CAMK1D: variants seen among roughly 807,000 people sequenced by gnomAD.
The protein encoded by CAMK1D is calcium/calmodulin dependent protein kinase ID, also known as calcium/calmodulin-dependent protein kinase type 1D.
Under a neutral mutation model 47.7 loss-of-function variants are expected in CAMK1D, and 9 were observed. The ratio of observed to expected loss-of-function variants is 0.19; its 90% confidence interval spans 0.11 to 0.33. The LOEUF is 0.33. Among genes scored for constraint, CAMK1D ranks in the 10% least tolerant of loss-of-function variants. CAMK1D has a pLI of 1.00. For synonymous variants in CAMK1D, 184 were observed against 184.9 expected (o/e 0.99, Z 0.04); for missense variants, 291 against 488.7 (o/e 0.60, Z 3.81).
chr10:12,450,582 A>C (rs1394828611), intron 1 of CAMK1D, among the ~76,000 whole-genome samples: 2 of 152,224 alleles, frequency 1.3e-5, no homozygotes, highest in Admixed American at 1.3e-4. Context: ...TAGATTGGGC[A>C]GCTCACACAT....
At chr10:12,552,027 G>A (rs1836600069) in intron 1 of CAMK1D, among the ~76,000 whole-genome samples, 2 of 152,248 alleles carry the variant, frequency 1.3e-5, no homozygotes, top group African/African-American at 2.4e-5. Flanking sequence ...CCTGTGCACA[G>A]AGCCCAAGTT....
At chr10:12,753,798 G>C (rs140343147) in intron 3 of CAMK1D, among the ~76,000 whole-genome samples, 1 of 152,202 alleles carries the variant, frequency 6.6e-6, no homozygotes, top group African/African-American at 2.4e-5. Flanking sequence ...GCTTTCACTG[G>C]TTCCCCTTTT....
Position 12,648,201 on chromosome 10 carries a change from C to T in CAMK1D, c.225-18535C>T, listed in dbSNP as rs141306727. 3.6e-3 allele frequency among the ~76,000 whole-genome samples: 543 copies of T among 152,264 alleles called. 5 individuals are homozygous for T. Among genetic ancestry groups the T allele is most frequent in the Middle Eastern group, 0.034 (10 of 294 alleles). Reference sequence around the variant, plus strand: ...CAGCCATTGTAACCAGCTAAGAGTTCGTGGGGCACTCACTTAATTCTCCCG... The same window carrying T: ...CAGCCATTGTAACCAGCTAAGAGTTTGTGGGGCACTCACTTAATTCTCCCG... On this transcript the variant is annotated intron_variant, in intron 2 of 10. Transcript: ENST00000619168.
chr10:12,452,761 T>A (rs1833124377), intron 1 of CAMK1D, among the ~76,000 whole-genome samples: 1 of 152,084 alleles, frequency 6.6e-6, no homozygotes, highest in African/African-American at 2.4e-5. Context: ...AATTTTTTTA[T>A]TTTTAGTATA....
intron 3 of CAMK1D, among the ~76,000 whole-genome samples, chr10:12,734,339 AAAAAAAATATATAT>A (rs1588863426): frequency 1.1e-4 from 4 of 36,412 alleles, no homozygotes; most frequent in Admixed American, 4.6e-4. Flanking sequence ...AAAAAAAAAA[AAAAAAAATATATAT>A]ATATATATAT....
At chr10:12,547,254 T>C (rs1329287079) in intron 1 of CAMK1D, among the ~76,000 whole-genome samples, 3 of 152,010 alleles carry the variant, frequency 2.0e-5, no homozygotes, top group Non-Finnish European at 4.4e-5. Flanking sequence ...GAGGAAGCCA[T>C]TGGGTTTAGC....
At chr10:12,815,255 C>T (rs1206510990) in intron 7 of CAMK1D, among the ~76,000 whole-genome samples, 1 of 152,190 alleles carries the variant, frequency 6.6e-6, no homozygotes, top group Non-Finnish European at 1.5e-5. Flanking sequence ...TGAAATCTCT[C>T]TAAGCCTCAG....
At chr10:12,826,032 G>C (rs1040882078) in intron 10 of CAMK1D, 2 of 251,578 alleles carry the variant, frequency 7.9e-6, no homozygotes, top group Non-Finnish European at 1.5e-5. Flanking sequence ...AGCTACTTGG[G>C]AGGCTGAGGC....
intron 5 of CAMK1D, among the ~76,000 whole-genome samples, chr10:12,771,732 T>C (rs1442937457): frequency 1.3e-5 from 2 of 152,078 alleles, no homozygotes; most frequent in Non-Finnish European, 2.9e-5. Context: ...CTCTGCTCAT[T>C]TTTGAAAGGT....
intron 3 of CAMK1D, among the ~76,000 whole-genome samples, chr10:12,709,855 T>G (rs776547796): frequency 1.3e-5 from 2 of 152,200 alleles, no homozygotes; most frequent in East Asian, 3.8e-4. Flanking sequence ...TATTTAGCAG[T>G]TGGGAAATGT....
intron 1 of CAMK1D, among the ~76,000 whole-genome samples, chr10:12,372,733 A>G: frequency 6.6e-6 from 1 of 152,062 alleles, no homozygotes; most frequent in Non-Finnish European, 1.5e-5. Context: ...GATTCAGGTG[A>G]TCCTCACACC....
At chr10:12,644,177 C>T (rs1839752607) in intron 2 of CAMK1D, among the ~76,000 whole-genome samples, 1 of 152,154 alleles carries the variant, frequency 6.6e-6, no homozygotes, top group Non-Finnish European at 1.5e-5. Flanking sequence ...AGGTTGAGAA[C>T]CACTGGGCTG....
chr10:12,792,672 G>A (rs1564565838), intron 6 of CAMK1D, among the ~76,000 whole-genome samples: 1 of 152,214 alleles, frequency 6.6e-6, no homozygotes, highest in East Asian at 1.9e-4. Flanking sequence ...TGCATTTGTA[G>A]TTTAGTGTGG....
At chr10:12,662,191 A>C (rs1238810316) in intron 2 of CAMK1D, among the ~76,000 whole-genome samples, 1 of 152,216 alleles carries the variant, frequency 6.6e-6, no homozygotes, top group African/African-American at 2.4e-5. Flanking sequence ...ATATTTACCA[A>C]GTACACAGAT....
At chr10:12,695,789 G>C (rs1471279601) in intron 3 of CAMK1D, among the ~76,000 whole-genome samples, 1 of 152,034 alleles carries the variant, frequency 6.6e-6, no homozygotes, top group African/African-American at 2.4e-5. Context: ...AAAAAATAAA[G>C]GAATACTGGC....
rs184018593 is a variant in CAMK1D, at chr10:12,470,320, A to G, written c.93-82905A>G. Among the ~76,000 whole-genome samples the G allele has an allele frequency of 5.8e-3, 877 of 152,192 alleles. 5 individuals carry two copies. Among genetic ancestry groups the G allele is most frequent in the Non-Finnish European group, 9.0e-3 (614 of 68,008 alleles). The stretch of plus-strand genomic sequence containing the variant: ...TATAAAAATCAACTCTAATCCCACC[A>G]CTCAGAAATAACCACTGTGAGATTT... On this transcript the variant is annotated intron_variant, in intron 1 of 10. Transcript: ENST00000619168.
chr10:12,602,507 G>C lies in CAMK1D; in HGVS notation c.224+49151G>C, dbSNP rs1420919585. ...CTGGGTGACAGGAGCTATATTTGTA[G>C]GAGCAGGTGCCATTTGGGACAGAGC... On this transcript the variant is annotated intron_variant, in intron 2 of 10. Transcript: ENST00000619168. Among the ~76,000 whole-genome samples the C allele has an allele frequency of 2.0e-5, 3 of 152,194 alleles. No individual in the cohort carries two copies. The East Asian group carries it at 5.8e-4, about 29-fold the overall frequency.
chr10:12,532,658 A>C (rs912780235), intron 1 of CAMK1D, among the ~76,000 whole-genome samples: 4 of 152,268 alleles, frequency 2.6e-5, no homozygotes, highest in Non-Finnish European at 5.9e-5. Context: ...TAGTTGCAGC[A>C]CTGTTTGCAG....
intron 3 of CAMK1D, chr10:12,725,374 T>C (rs1834576171): frequency 1.3e-5 from 2 of 155,910 alleles, no homozygotes; most frequent in Admixed American, 6.5e-5. Context: ...GTGAAAGTAT[T>C]TGTAGCTTCT....
Sources: gnomAD v4.1 joint callset for allele counts (sites outside exome capture counted in the v4.1 genomes callset) on GRCh38, gnomAD v4.1.1 for gene constraint, MANE v1.5 for transcripts, NCBI Gene and HGNC (gene_info 2026-07-23, HGNC 2026-07-21) for gene names.